EFNB1: variants seen among roughly 807,000 people sequenced by gnomAD.
EFNB1 encodes ephrin B1.
Under a neutral mutation model 18.1 loss-of-function variants are expected in EFNB1, and 1 was observed. The ratio of observed to expected loss-of-function variants is 0.06; its 90% CI spans 0.02 to 0.26. The LOEUF (loss-of-function observed/expected upper bound fraction) is 0.26. Ranked by LOEUF, EFNB1 falls within the 10% of genes least tolerant of loss-of-function variation. The pLI is 1.00. For synonymous variants in EFNB1, 131 were observed against 127.5 expected (o/e 1.03, Z -0.19); for missense variants, 221 against 301.8 (o/e 0.73, Z 1.98).
Position 68,838,722 on chromosome X carries a change from G to C in EFNB1, c.234G>C (p.Leu78=), listed in dbSNP as rs1246440222. 4 of 1,210,069 alleles carry C rather than the reference G, an allele frequency of 3.3e-6. No individual in the cohort carries two copies. The Admixed American group carries it at 8.7e-5, about 26-fold the overall frequency. Residue 78 remains leucine (L), a synonymous_variant, in exon 2 of 5, where the codon CTG becomes CTC. Coordinates refer to ENST00000204961, the MANE Select transcript of EFNB1 (RefSeq NM_004429.5). The part of the protein sequence containing the change: ...EAGRPYEYYK[L]YLVRPEQAAA... ...GGCGGCCCTATGAGTACTACAAGCT[G>C]TACCTGGTGCGGCCTGAGCAGGCAG...
chrX:68,838,172 T>TGTGTGTGTGTGC (rs1414068420), intron 1 of EFNB1, among the ~76,000 whole-genome samples: 1 of 31,752 alleles, frequency 3.1e-5, no homozygotes, highest in Non-Finnish European at 5.4e-5. Flanking sequence ...TGTGTGTGTG[T>TGTGTGTGTGTGC]GCGCGCGCGC....
chrX:68,839,845 G>A, intron 3 of EFNB1, 89 bp downstream of exon 3: 3 of 1,174,836 alleles, frequency 2.6e-6, no homozygotes, highest in Admixed American at 2.3e-5. Flanking sequence ...TATTAGGAGT[G>A]GGGGAGCAGG....
Position 68,829,866 on chromosome X carries a change from G to C in EFNB1, c.90G>C (p.Lys30Asn). ...ALCRLATPLA[K>N]NLEPVSWSSL... ...GCCGGCTCGCCACACCGCTGGCCAA[G>C]AACCTGGAGCCCGTATCCTGGAGCT... Residue 30 changes from lysine (K) to asparagine (N), a missense_variant, in exon 1 of 5, where the codon AAG (lysine) becomes AAC (asparagine). Lys to Asn is a moderately conservative substitution (Grantham distance 94). Transcript: ENST00000204961. 8.5e-7 allele frequency: 1 copy of C among 1,171,726 alleles called. No homozygotes were observed. The highest frequency in any genetic ancestry group is 3.2e-5 in the East Asian group (1 of 31,211).
intron 1 of EFNB1, among the ~76,000 whole-genome samples, chrX:68,836,108 G>C (rs1187647590): frequency 8.9e-6 from 1 of 111,811 alleles, no homozygotes. Flanking sequence ...ATTGTCCTGG[G>C]TAGGTTTAGA....
intron 1 of EFNB1, among the ~76,000 whole-genome samples, chrX:68,833,250 G>A (rs2080451801): frequency 9.0e-6 from 1 of 111,371 alleles, no homozygotes; most frequent in South Asian, 3.8e-4. Context: ...CCCTTTTCCG[G>A]GGTGGTTAGG....
intron 4 of EFNB1, 68 bp downstream of exon 4, chrX:68,840,156 A>C: frequency 2.5e-6 from 3 of 1,210,159 alleles, no homozygotes; most frequent in Non-Finnish European, 2.2e-6. Context: ...CTGTCCCTGA[A>C]GAAATGCAAG....
chrX:68,839,927 C>T (rs1170322912), intron 3 of EFNB1, 33 bp from the exon 4 acceptor site: 2 of 1,209,890 alleles, frequency 1.7e-6, no homozygotes, highest in African/African-American at 3.5e-5. Flanking sequence ...TGGCCGGGTC[C>T]CTGCCTCTCA....
chrX:68,835,393 C>T (rs2080458062), intron 1 of EFNB1, among the ~76,000 whole-genome samples: 1 of 111,653 alleles, frequency 9.0e-6, no homozygotes, highest in African/African-American at 3.3e-5. Context: ...AAGAGTTTCA[C>T]TTCGGGATAT....
rs3085479 is a variant in EFNB1 at position 68,832,811 on chromosome X, CGTGTGTGTGTGTGT to C, written c.128+2924_128+2937del. Among the ~76,000 whole-genome samples, 4 of 97,373 alleles carry C rather than the reference CGTGTGTGTGTGTGT, an allele frequency of 4.1e-5. No homozygotes were observed. In the East Asian group the frequency reaches 1.3e-3, roughly 31 times the overall value. 84.6% of individuals were successfully genotyped at this position (97,373 alleles called of 115,157 possible). On this transcript the variant is annotated intron_variant, in intron 1 of 4. Transcript: ENST00000204961. ...TTTTTTTTAGGAACCTCTGTGTGTG[CGTGTGTGTGTGTGT>C]GTGTGTGTGTGTGTGTCTGAGTTGG...
chrX:68,833,420 C>T (rs1024719409), intron 1 of EFNB1, among the ~76,000 whole-genome samples: 2 of 112,450 alleles, frequency 1.8e-5, no homozygotes, highest in African/African-American at 6.5e-5. Context: ...GGGGTGGGGA[C>T]TGAATCAAGG....
chrX:68,840,995 G>T lies in EFNB1; in HGVS notation c.*341G>T. On this transcript the variant is annotated 3_prime_UTR_variant, in exon 5 of 5. Coordinates refer to ENST00000204961, the MANE Select transcript of EFNB1 (RefSeq NM_004429.5). The stretch of plus-strand genomic sequence containing the variant: ...CTCGCCCCCCTTGCCACCTTCCCAG[G>T]ACTGCTTGTCCGCTATCATCACTGT... The T allele has an allele frequency of 3.2e-6, 1 of 308,214 alleles. No individual in the cohort carries two copies. Among genetic ancestry groups the T allele is most frequent in the Non-Finnish European group, 5.7e-6 (1 of 174,585 alleles). 25.4% of individuals were successfully genotyped at this position (308,214 alleles called of 1,213,427 possible).
At position 68,840,381 on chromosome X, in the gene EFNB1, C is replaced by T. The variant is rs763308440; in HGVS notation, c.768C>T (p.Ile256=). 6 of 1,212,034 alleles carry T rather than the reference C, an allele frequency of 5.0e-6. No individual in the cohort carries two copies. The highest frequency in any genetic ancestry group is 6.7e-6 in the Non-Finnish European group (6 of 895,598). The change falls in exon 5 of 5, where the codon ATC becomes ATT. Residue 256 remains isoleucine, a synonymous_variant. Coordinates refer to ENST00000204961, the MANE Select transcript of EFNB1 (RefSeq NM_004429.5). The part of the protein sequence containing the change: ...AGCVIFLLII[I]FLTVLLLKLR... ...GCGTCATCTTCCTGCTCATCATCAT[C>T]TTCCTGACGGTCCTACTACTGAAGC...
At chrX:68,832,462 C>T (rs1018839481) in intron 1 of EFNB1, among the ~76,000 whole-genome samples, 5 of 111,225 alleles carry the variant, frequency 4.5e-5, no homozygotes, top group Admixed American at 2.9e-4. Flanking sequence ...CTGGCAACCC[C>T]CCTCCCAAAA....
Position 68,829,097 on chromosome X carries a change from C to G in EFNB1, c.-680C>G, listed in dbSNP as rs2080436503. 2 of 114,850 alleles carry G rather than the reference C, an allele frequency of 1.7e-5. No homozygotes were observed. Among genetic ancestry groups the G allele is most frequent in the Non-Finnish European group, 3.6e-5 (2 of 54,799 alleles). The allele number at this position is 114,850 out of a possible 1,213,427, so 9.5% of individuals were successfully genotyped here. Reference sequence around the variant, plus strand: ...CCCTCGGGCTCGATCGCCCGGGAGCCAGGACTCGGCGACGCGAGGCTGCCG... The same window carrying G: ...CCCTCGGGCTCGATCGCCCGGGAGCGAGGACTCGGCGACGCGAGGCTGCCG... On this transcript the variant is annotated 5_prime_UTR_variant, in exon 1 of 5. Coordinates refer to ENST00000204961, the MANE Select transcript of EFNB1 (RefSeq NM_004429.5).
At chrX:68,837,537 C>G (rs988758764) in intron 1 of EFNB1, among the ~76,000 whole-genome samples, 2 of 112,547 alleles carry the variant, frequency 1.8e-5, no homozygotes, top group Non-Finnish European at 3.8e-5. Flanking sequence ...CTGCCTTGCT[C>G]TCAGCACCAG....
intron 1 of EFNB1, among the ~76,000 whole-genome samples, chrX:68,834,670 T>C (rs896367788): frequency 2.7e-5 from 3 of 112,908 alleles, no homozygotes; most frequent in Non-Finnish European, 5.6e-5. Flanking sequence ...CTGTCCTCCA[T>C]TGGTCTTGCC....
intron 1 of EFNB1, among the ~76,000 whole-genome samples, chrX:68,833,010 G>A (rs764187824): frequency 9.0e-6 from 1 of 110,601 alleles, no homozygotes; most frequent in African/African-American, 3.3e-5. Flanking sequence ...CCCCCACTCA[G>A]GTTCCCCCAC....
intron 1 of EFNB1, among the ~76,000 whole-genome samples, chrX:68,835,644 G>A (rs899196338): frequency 8.1e-5 from 9 of 111,409 alleles, no homozygotes; most frequent in African/African-American, 1.6e-4. Flanking sequence ...CAGGGAAGGC[G>A]GGTCTCATCA....
chrX:68,840,674 G>T lies in EFNB1; in HGVS notation c.*20G>T, dbSNP rs745471569. ...GTCTGAGTGCCCGGCACGGCCTCAG[G>T]CCCCCGAGGGACAGTCGGCCTGGAC... On this transcript the variant is annotated 3_prime_UTR_variant, in exon 5 of 5. Transcript: ENST00000204961. 92 of 1,196,915 alleles carry T rather than the reference G, an allele frequency of 7.7e-5. No individual in the cohort carries two copies. The highest frequency in any genetic ancestry group is 9.4e-5 in the Non-Finnish European group (84 of 888,892).
Sources: gnomAD v4.1 joint callset for allele counts (sites outside exome capture counted in the v4.1 genomes callset) on GRCh38, gnomAD v4.1.1 for gene constraint, MANE v1.5 for transcripts, NCBI Gene and HGNC (gene_info 2026-07-23, HGNC 2026-07-21) for gene names.